ITCH: variants seen among roughly 807,000 people sequenced by gnomAD.
ITCH encodes the protein E3 ubiquitin-protein ligase Itchy homolog.
A neutral mutation model predicts 126.8 loss-of-function variants in ITCH; 28 were observed. The observed-to-expected ratio is 0.22, with a 90% CI of 0.16 to 0.30. The LOEUF is 0.30. Ranked by LOEUF, ITCH falls within the 10% of genes least tolerant of loss-of-function variation. The pLI, the probability that ITCH is intolerant of heterozygous loss-of-function variation, is 1.00. For missense variants in ITCH, 631 were observed against 1,032.4 expected, an observed-to-expected ratio of 0.61 and a Z score of 5.33; for synonymous variants, 342 against 340.0, an observed-to-expected ratio of 1.01 and a Z score of -0.06.
At chr20:34,462,855 A>G (rs1301689695) in intron 14 of ITCH, among the ~76,000 whole-genome samples, 2 of 152,194 alleles carry the variant, frequency 1.3e-5, no homozygotes, top group African/African-American at 2.4e-5. Context: ...GAGTCATACA[A>G]TATTTATGCT....
rs962567967 is a variant in ITCH at position 34,402,490 on chromosome 20, T to C, written c.71-6161T>C. ...CACTGAAAAATAGACTAGAAATACA[T>C]CTGTTTGTGGATAACTCAGCAGTCA... On this transcript the variant is annotated intron_variant, in intron 3 of 24. Coordinates refer to ENST00000374864, the MANE Select transcript of ITCH (RefSeq NM_031483.7). The C allele has an allele frequency of 1.2e-5, 9 of 762,316 alleles. No individual in the cohort carries two copies. In the African/African-American group the frequency reaches 1.5e-4, roughly 13 times the overall value. 47.2% of individuals were successfully genotyped at this position (762,316 alleles called of 1,614,324 possible). A position where few individuals can be genotyped will look rare whatever the true frequency, so the allele number is the denominator to read the frequency against.
intron 2 of ITCH, among the ~76,000 whole-genome samples, chr20:34,384,540 A>G (rs986438453): frequency 7.9e-5 from 12 of 152,092 alleles, no homozygotes; most frequent in African/African-American, 2.9e-4. Flanking sequence ...CAGCTTCCCA[A>G]AGTGCTCAGA....
chr20:34,488,095 C>G (rs1989255289), intron 20 of ITCH, among the ~76,000 whole-genome samples: 1 of 151,398 alleles, frequency 6.6e-6, no homozygotes, highest in Non-Finnish European at 1.5e-5. Context: ...CAAAAATAAT[C>G]TTATATTTAC....
intron 2 of ITCH, among the ~76,000 whole-genome samples, chr20:34,393,316 C>T (rs1339478679): frequency 2.0e-5 from 3 of 152,028 alleles, no homozygotes; most frequent in Non-Finnish European, 1.5e-5. Context: ...TGAAACCAGC[C>T]TGGGCAATAT....
intron 22 of ITCH, 27 bp downstream of exon 22, chr20:34,489,953 GT>G (rs1989395295): frequency 6.5e-7 from 1 of 1,534,996 alleles, no homozygotes; most frequent in African/African-American, 1.4e-5. Context: ...ATTTCTATTA[GT>G]TGACACAGCA....
At chr20:34,395,659 C>G (rs972719179) in intron 3 of ITCH, among the ~76,000 whole-genome samples, 3 of 152,182 alleles carry the variant, frequency 2.0e-5, no homozygotes, top group Non-Finnish European at 4.4e-5. Flanking sequence ...CTTTCTGTCT[C>G]TAGATTTGCC....
chr20:34,463,305 G>A (rs1390237355), intron 14 of ITCH, among the ~76,000 whole-genome samples: 1 of 152,236 alleles, frequency 6.6e-6, no homozygotes, highest in African/African-American at 2.4e-5. Context: ...AGAGGTTGCA[G>A]TGAGTCAAGA....
chr20:34,378,960 A>G (rs1051676057), intron 2 of ITCH, among the ~76,000 whole-genome samples: 1 of 152,174 alleles, frequency 6.6e-6, no homozygotes, highest in African/African-American at 2.4e-5. Flanking sequence ...GTGCTGCTGA[A>G]GCAAACACAC....
In ITCH at chr20:34,510,094, G is replaced by A. The variant is rs1435176261; in HGVS notation, c.*2300G>A. On this transcript the variant is annotated 3_prime_UTR_variant, in exon 25 of 25. Transcript: ENST00000374864. ...TTGGCTATTTAATATTTTTATGGAA[G>A]AAGTGTTTAGTTCTGGAAAAGGTAA... The A allele has an allele frequency of 6.6e-6, 1 of 152,534 alleles. No homozygotes were observed. The highest frequency in any genetic ancestry group is 2.4e-5 in the African/African-American group (1 of 41,428). The allele number at this position is 152,534 out of a possible 1,614,324, so 9.4% of individuals were successfully genotyped here. A position where few individuals can be genotyped will look rare whatever the true frequency, so the allele number is the denominator to read the frequency against.
intron 6 of ITCH, among the ~76,000 whole-genome samples, chr20:34,419,291 T>A (rs373958728): frequency 6.6e-6 from 1 of 152,158 alleles, no homozygotes; most frequent in African/African-American, 2.4e-5. Flanking sequence ...GCTTAAGAAT[T>A]AGAGTATTAA....
intron 13 of ITCH, among the ~76,000 whole-genome samples, chr20:34,458,021 T>C (rs1188324401): frequency 6.6e-6 from 1 of 152,164 alleles, no homozygotes; most frequent in Non-Finnish European, 1.5e-5. Context: ...ACATATATAT[T>C]ATTTTTAATT....
At chr20:34,398,879 A>G (rs1315520981) in intron 3 of ITCH, among the ~76,000 whole-genome samples, 2 of 152,150 alleles carry the variant, frequency 1.3e-5, no homozygotes, top group Admixed American at 6.5e-5. Flanking sequence ...GATAAAAGAC[A>G]GAAGTGCCAA....
At position 34,408,733 on chromosome 20, in the gene ITCH, A is replaced by G. The variant is rs141446117; in HGVS notation, c.153A>G (p.Ser51=). The change falls in exon 4 of 25, where the codon TCA becomes TCG. Residue 51 remains serine, a synonymous_variant. Coordinates refer to ENST00000374864, the MANE Select transcript of ITCH (RefSeq NM_031483.7). ...PYVEVTVDGQ[S]KKTEKCNNTN... is the part of the protein sequence containing the mutation. The stretch of plus-strand genomic sequence containing the variant: ...TAGAGGTCACAGTAGATGGACAGTC[A>G]AAGAAGACAGAAAAATGCAACAACA... 1.2e-6 allele frequency: 2 copies of G among 1,613,986 alleles called. No homozygotes were observed. The highest frequency in any genetic ancestry group is 2.7e-5 in the African/African-American group (2 of 74,930).
chr20:34,471,404 T>G lies in ITCH; in HGVS notation c.1498-40T>G, dbSNP rs752627777. On this transcript the variant is annotated intron_variant, in intron 15 of 24. Coordinates refer to ENST00000374864, the MANE Select transcript of ITCH (RefSeq NM_031483.7). Reference sequence around the variant, plus strand: ...CTTTTGATTTTTTTGATAGGCTATTTTAATGATGAGAGTTGACTTAAGTCA... The same window carrying G: ...CTTTTGATTTTTTTGATAGGCTATTGTAATGATGAGAGTTGACTTAAGTCA... The G allele has an allele frequency of 1.2e-5, 15 of 1,223,640 alleles. No individual in the cohort carries two copies. In the African/African-American group the frequency reaches 2.1e-4, roughly 17 times the overall value. 75.8% of individuals were successfully genotyped at this position (1,223,640 alleles called of 1,614,324 possible). A position where few individuals can be genotyped will look rare whatever the true frequency, so the allele number is the denominator to read the frequency against.
intron 12 of ITCH, among the ~76,000 whole-genome samples, chr20:34,456,224 T>A (rs1332950222): frequency 1.1e-5 from 1 of 88,498 alleles, no homozygotes; most frequent in East Asian, 3.5e-4. Flanking sequence ...ATTTTTTTTT[T>A]TTTTTTTTTT....
At chr20:34,392,872 C>T (rs912572692) in intron 2 of ITCH, among the ~76,000 whole-genome samples, 2 of 152,088 alleles carry the variant, frequency 1.3e-5, no homozygotes, top group Non-Finnish European at 2.9e-5. Flanking sequence ...AGGACCCCCC[C>T]AGCCCGGGAG....
intron 3 of ITCH, among the ~76,000 whole-genome samples, chr20:34,405,561 C>T (rs1274476920): frequency 6.6e-6 from 1 of 152,068 alleles, no homozygotes. Context: ...AGATCATTTC[C>T]TTCCTGTCAG....
chr20:34,462,489 G>T (rs551279138), intron 14 of ITCH, among the ~76,000 whole-genome samples: 127 of 152,188 alleles, frequency 8.3e-4, no homozygotes, highest in Non-Finnish European at 1.5e-4. Context: ...ATTAGTCTCT[G>T]ATTTCTGATT....
Position 34,366,300 on chromosome 20 carries a change from A to C in ITCH, c.-99+2951A>C, listed in dbSNP as rs542955926. 3.3e-5 allele frequency among the ~76,000 whole-genome samples: 5 copies of C among 152,232 alleles called. No homozygotes were observed. In the East Asian group the frequency reaches 9.7e-4, roughly 29 times the overall value. ...CACCCAGTCACGCAGGATGGAGTGC[A>C]GTGACAGGACCTCCAGAGCTCAAGT... On this transcript the variant is annotated intron_variant, in intron 1 of 24. Transcript: ENST00000374864.
Sources: gnomAD v4.1 joint callset for allele counts (sites outside exome capture counted in the v4.1 genomes callset) on GRCh38, gnomAD v4.1.1 for gene constraint, MANE v1.5 for transcripts, NCBI Gene and HGNC (gene_info 2026-07-23, HGNC 2026-07-21) for gene names.